Variants in CCDC60 observed in about 807,000 individuals in gnomAD.
CCDC60 encodes the protein coiled-coil domain containing 60.
In CCDC60, 54 loss-of-function variants were observed where a neutral mutation model predicts 63.5. The observed-to-expected ratio is 0.85, with a 90% CI of 0.68 to 1.07. The LOEUF (loss-of-function observed/expected upper bound fraction) is 1.07. Ranked by LOEUF, CCDC60 falls within the 50% of genes least tolerant of loss-of-function variation. The probability of loss-of-function intolerance (pLI) is 0.00; values close to 1 mark genes in which losing one functional copy is unlikely to be tolerated. For synonymous variants in CCDC60, 206 were observed against 238.8 expected, an observed-to-expected ratio of 0.86 and a Z score of 1.27; for missense variants, 651 against 684.3, an observed-to-expected ratio of 0.95 and a Z score of 0.54.
chr12:119,539,646 G>C (rs1305690940), intron 13 of CCDC60, among the ~76,000 whole-genome samples: 1 of 152,224 alleles, frequency 6.6e-6, no homozygotes, highest in Non-Finnish European at 1.5e-5. Flanking sequence ...CAGTGAGCTA[G>C]ACCACTTGGC....
intron 2 of CCDC60, among the ~76,000 whole-genome samples, chr12:119,455,819 G>A (rs1336153694): frequency 7.1e-6 from 1 of 140,630 alleles, no homozygotes; most frequent in African/African-American, 2.7e-5. Context: ...AAGAAGAAAA[G>A]GAGGAGGAAG....
At chr12:119,381,565 T>A (rs1956008135) in intron 1 of CCDC60, among the ~76,000 whole-genome samples, 1 of 152,220 alleles carries the variant, frequency 6.6e-6, no homozygotes, top group African/African-American at 2.4e-5. Flanking sequence ...ATACTCAGAC[T>A]CAGTGGTAGT....
chr12:119,437,291 T>C (rs775720643), intron 2 of CCDC60, among the ~76,000 whole-genome samples: 1 of 152,152 alleles, frequency 6.6e-6, no homozygotes, highest in Non-Finnish European at 1.5e-5. Context: ...GTGGCACATG[T>C]ACCCCACTTC....
chr12:119,385,996 T>G (rs1438852805), intron 1 of CCDC60, among the ~76,000 whole-genome samples: 2 of 152,182 alleles, frequency 1.3e-5, no homozygotes, highest in Admixed American at 6.5e-5. Flanking sequence ...AGTTAAGATA[T>G]AGAGATGTTG....
chr12:119,373,469 C>T lies in CCDC60; in HGVS notation c.90+38203C>T, dbSNP rs116162246. On this transcript the variant is annotated intron_variant, in intron 1 of 13. Coordinates refer to ENST00000327554, the MANE Select transcript of CCDC60 (RefSeq NM_178499.5). ...AACCCTGCTTATCACAATTGAGGCA[C>T]TGTCAATAGAAGCTTGCTGCCAAAC... Among the ~76,000 whole-genome samples the T allele has an allele frequency of 4.9e-3, 743 of 152,254 alleles. 7 individuals are homozygous for T. Among genetic ancestry groups the T allele is most frequent in the African/African-American group, 0.017 (693 of 41,542 alleles).
chr12:119,449,905 C>A (rs763141203), intron 2 of CCDC60, among the ~76,000 whole-genome samples: 11 of 152,096 alleles, frequency 7.2e-5, no homozygotes, highest in Non-Finnish European at 1.5e-4. Flanking sequence ...ATCTACCATT[C>A]AATCCAGCAA....
At chr12:119,356,040 A>T (rs994843852) in intron 1 of CCDC60, among the ~76,000 whole-genome samples, 1 of 152,256 alleles carries the variant, frequency 6.6e-6, no homozygotes, top group Non-Finnish European at 1.5e-5. Flanking sequence ...GGAAAAAAAC[A>T]TAATAAATAT....
At chr12:119,519,623 C>T (rs989300287) in intron 8 of CCDC60, among the ~76,000 whole-genome samples, 3 of 151,492 alleles carry the variant, frequency 2.0e-5, no homozygotes, top group African/African-American at 4.9e-5. Context: ...CCACCACACT[C>T]GGCTAATTTT....
At chr12:119,440,204 T>C (rs1031053663) in intron 2 of CCDC60, among the ~76,000 whole-genome samples, 8 of 152,120 alleles carry the variant, frequency 5.3e-5, no homozygotes, top group African/African-American at 1.9e-4. Context: ...GTTCTGCACA[T>C]GTAACCCAGA....
intron 5 of CCDC60, among the ~76,000 whole-genome samples, chr12:119,491,906 CAT>C (rs1335513381): frequency 6.6e-6 from 1 of 152,092 alleles, no homozygotes; most frequent in Non-Finnish European, 1.5e-5. Flanking sequence ...GAAAAAGGGC[CAT>C]GTTTCTTTCC....
At chr12:119,507,463 CATACAT>C (rs1333917246) in intron 7 of CCDC60, among the ~76,000 whole-genome samples, 1 of 145,010 alleles carries the variant, frequency 6.9e-6, no homozygotes, top group East Asian at 2.0e-4. Flanking sequence ...CATATATACA[CATACAT>C]ATATATACAT....
intron 13 of CCDC60, among the ~76,000 whole-genome samples, chr12:119,536,440 A>C (rs1390028251): frequency 6.6e-6 from 1 of 152,120 alleles, no homozygotes; most frequent in Admixed American, 6.6e-5. Flanking sequence ...GCTATGTGTG[A>C]ATTTGATCCC....
intron 2 of CCDC60, among the ~76,000 whole-genome samples, chr12:119,446,422 T>C (rs1950542919): frequency 6.6e-6 from 1 of 152,196 alleles, no homozygotes; most frequent in South Asian, 2.1e-4. Context: ...ATTCACAATA[T>C]ATGCTCAAGG....
intron 1 of CCDC60, among the ~76,000 whole-genome samples, chr12:119,398,089 GAGGAAGGGGGCGGTGT>G (rs1956310669): frequency 9.0e-6 from 1 of 111,352 alleles, no homozygotes; most frequent in Non-Finnish European, 1.9e-5. Context: ...GCCGCGGGGG[GAGGAAGGGGGCGGTGT>G]GGGGGGAGGA....
chr12:119,362,070 TG>T (rs1205211683), intron 1 of CCDC60, among the ~76,000 whole-genome samples: 1 of 152,236 alleles, frequency 6.6e-6, no homozygotes, highest in Non-Finnish European at 1.5e-5. Flanking sequence ...ATATGTATTG[TG>T]GCCAGAATTC....
intron 6 of CCDC60, among the ~76,000 whole-genome samples, chr12:119,501,265 T>A (rs1375824754): frequency 1.3e-5 from 2 of 152,150 alleles, no homozygotes; most frequent in Non-Finnish European, 2.9e-5. Context: ...TCAACATAAT[T>A]GTAAATGGGC....
At chr12:119,344,433 A>C (rs1334717838) in intron 1 of CCDC60, among the ~76,000 whole-genome samples, 1 of 152,168 alleles carries the variant, frequency 6.6e-6, no homozygotes, top group African/African-American at 2.4e-5. Context: ...CTGCCTCTTC[A>C]TCACCCCGTA....
intron 2 of CCDC60, among the ~76,000 whole-genome samples, chr12:119,467,464 C>A (rs189366047): frequency 6.6e-6 from 1 of 152,254 alleles, no homozygotes; most frequent in Non-Finnish European, 1.5e-5. Context: ...CGATTAGTGC[C>A]CCTATAAAAG....
chr12:119,528,516 G>A, intron 11 of CCDC60, 99 bp from the exon 12 acceptor site: 1 of 1,348,982 alleles, frequency 7.4e-7, no homozygotes, highest in Non-Finnish European at 1.0e-6. Flanking sequence ...AAAGCCTCAT[G>A]AAGGAAAAGG....
Sources: gnomAD v4.1 joint callset for allele counts (sites outside exome capture counted in the v4.1 genomes callset) on GRCh38, gnomAD v4.1.1 for gene constraint, MANE v1.5 for transcripts, NCBI Gene and HGNC (gene_info 2026-07-23, HGNC 2026-07-21) for gene names.